The following GGCX variants were observed in gnomAD, a reference collection of about 807,000 sequenced individuals.
The protein encoded by GGCX is vitamin K-dependent gamma-carboxylase.
GGCX carries 63 observed loss-of-function variants against 88.5 expected under a neutral mutation model. That is an observed-to-expected ratio of 0.71 (90% confidence interval 0.58 to 0.88). The LOEUF (loss-of-function observed/expected upper bound fraction) is 0.88. Among genes scored for constraint, GGCX ranks in the 40% least tolerant of loss-of-function variants. The pLI, the probability that GGCX is intolerant of heterozygous loss-of-function variation, is 0.00. For synonymous variants in GGCX, 368 were observed against 365.8 expected (o/e 1.01, Z -0.07); for missense variants, 805 against 932.9 (o/e 0.86, Z 1.79).
intron 2 of GGCX, 54 bp downstream of exon 2, chr2:85,560,761 G>A (rs1692406680): frequency 7.2e-7 from 1 of 1,384,048 alleles, no homozygotes; most frequent in Non-Finnish European, 1.0e-6. Context: ...AAAAAATAGA[G>A]ATTGTCATTC....
Position 85,558,445 on chromosome 2 carries a change from G to C in GGCX, c.534C>G (p.His178Gln). ...TTGTCCCCCCTGACTCATACCAGTA[G>C]TGGTTTGCATCCATGAATGTTAGCT... ...AFQLTFMDAN[H>Q]YWSVDGLLNA... is the part of the protein sequence containing the mutation. Residue 178 changes from histidine (H) to glutamine (Q), a missense_variant, in exon 4 of 15, where the codon CAC (histidine) becomes CAG (glutamine). Physicochemically the swap from His to Gln is conservative, Grantham distance 24 (BLOSUM62 0). Around this residue, in one of 3 missense-constraint regions of GGCX, gnomAD observed 680 missense variants for 763.7 expected, o/e 0.89. Transcript: ENST00000233838. 1 of 1,613,668 alleles carries C rather than the reference G, an allele frequency of 6.2e-7. No individual in the cohort carries two copies. The highest frequency in any genetic ancestry group is 8.5e-7 in the Non-Finnish European group (1 of 1,179,570).
Position 85,553,028 on chromosome 2 carries a change from C to A in GGCX, c.1198G>T (p.Asp400Tyr). Residue 400 changes from aspartate (D) to tyrosine (Y), a missense_variant, in exon 9 of 15, where the codon GAC becomes TAC. This residue lies in a region of GGCX where 680 missense variants were observed against 763.7 expected (regional missense o/e 0.89). Coordinates refer to ENST00000233838, the MANE Select transcript of GGCX (RefSeq NM_000821.7). The part of the protein sequence containing the change: ...WTNGLYGYSW[D>Y]MMVHSRSHQH... ...TGGGAGCGGGAGTGCACCATCATGT[C>A]CCAGGAATAGCCATACAGCCCATTT... The A allele has an allele frequency of 6.2e-7, 1 of 1,614,110 alleles. No individual in the cohort carries two copies. The highest frequency in any genetic ancestry group is 8.5e-7 in the Non-Finnish European group (1 of 1,179,924).
intron 10 of GGCX, 148 bp from the exon 11 acceptor site, chr2:85,552,129 G>A: frequency 1.3e-6 from 1 of 742,346 alleles, no homozygotes; most frequent in Admixed American, 2.0e-5. Context: ...CCAGGGCAGA[G>A]AAAGAAGGCA....
chr2:85,559,861 A>T (rs751743824), intron 2 of GGCX, among the ~76,000 whole-genome samples: 4 of 152,218 alleles, frequency 2.6e-5, no homozygotes, highest in Non-Finnish European at 5.9e-5. Context: ...AGCCAGCTTG[A>T]GATAAAGCAG....
intron 5 of GGCX, 37 bp from the exon 6 acceptor site, chr2:85,555,627 G>A (rs1692177237): frequency 8.9e-7 from 1 of 1,125,058 alleles, no homozygotes; most frequent in South Asian, 1.2e-5. Context: ...CAAGCAAAAA[G>A]AATCTTTTCT....
rs764713985 is a variant in GGCX, at chr2:85,558,575, TAGCACAGGCCC to T, written c.393_403del (p.Gly132ProfsTer55). Reference sequence around the variant, plus strand: ...CAGGAATAACACACAGCTTATCCGGTAGCACAGGCCCAGCATCATGCCCAGTGCCCCTGGGA... The same window carrying T: ...CAGGAATAACACACAGCTTATCCGGTAGCATCATGCCCAGTGCCCCTGGGA... On this transcript the variant is annotated frameshift_variant, in exon 4 of 15. Coordinates refer to ENST00000233838, the MANE Select transcript of GGCX (RefSeq NM_000821.7). LOFTEE classifies it high-confidence loss of function. 5.6e-6 allele frequency: 9 copies of T among 1,613,692 alleles called. No individual in the cohort carries two copies. Among genetic ancestry groups the T allele is most frequent in the Non-Finnish European group, 5.9e-6 (7 of 1,179,636 alleles).
chr2:85,561,197 A>G (rs1692438017), intron 1 of GGCX, among the ~76,000 whole-genome samples, 189 bp downstream of exon 1: 1 of 151,912 alleles, frequency 6.6e-6, no homozygotes, highest in South Asian at 2.1e-4. Flanking sequence ...CAGTCCCCTA[A>G]CCGCAGTGTT....
rs751069533 is a variant in GGCX, at chr2:85,551,030, T to A, written c.1783A>T (p.Ser595Cys). 1 of 1,613,754 alleles carries A rather than the reference T, an allele frequency of 6.2e-7. No individual in the cohort carries two copies. Among genetic ancestry groups the A allele is most frequent in the Non-Finnish European group, 8.5e-7 (1 of 1,179,580 alleles). Residue 595 changes from serine to cysteine, a missense_variant, in exon 13 of 15, where the codon AGC becomes TGC. This residue lies in a region of GGCX where 680 missense variants were observed against 763.7 expected (regional missense o/e 0.89). Transcript: ENST00000233838. ...EYHKVYTTSP[S>C]PSCYMYVYVN... ...TAGACGTACATGTAGCAAGAAGGGC[T>A]AGGTGATGTCGTATACACCTTATGG... is the stretch of plus-strand genomic sequence containing the variant.
intron 14 of GGCX, 129 bp from the exon 15 acceptor site, chr2:85,550,255 TG>T (rs1691873582): frequency 1.8e-5 from 13 of 732,932 alleles, no homozygotes; most frequent in Non-Finnish European, 3.1e-5. Context: ...TCCCCCCAAG[TG>T]ACCCTCCATC....
At chr2:85,556,130 G>A (rs1692192461) in intron 5 of GGCX, 52 bp downstream of exon 5, 1 of 1,100,922 alleles carries the variant, frequency 9.1e-7, no homozygotes. Context: ...GGATGGCCAT[G>A]CTGACCACAT....
rs1373608938 is a variant in GGCX, at chr2:85,555,518, A to T, written c.691T>A (p.Tyr231Asn). 6.2e-7 allele frequency: 1 copy of T among 1,604,364 alleles called. No individual in the cohort carries two copies. Among genetic ancestry groups the T allele is most frequent in the Admixed American group, 1.7e-5 (1 of 60,006 alleles). Residue 231 changes from tyrosine to asparagine, a missense_variant, in exon 6 of 15, where the codon TAT (tyrosine) becomes AAT (asparagine). Physicochemically the swap from Tyr to Asn is moderately radical, Grantham distance 143 (BLOSUM62 -2). This residue lies in a region of GGCX where 680 missense variants were observed against 763.7 expected (regional missense o/e 0.89). Transcript: ENST00000233838. ...CTGAAGAGCCAGTGCCGGGACAAATATTCCATGGAATAGCCTTCAACCCAG... is the reference window on the plus strand; with the variant it reads ...CTGAAGAGCCAGTGCCGGGACAAATTTTCCATGGAATAGCCTTCAACCCAG... ...ADWVEGYSME[Y>N]LSRHWLFSPF...
rs141955679 is a variant in GGCX at position 85,550,518 on chromosome 2, C to T, written c.2084+37G>A. 3.8e-4 allele frequency: 566 copies of T among 1,506,398 alleles called. 9 individuals carry two copies. The East Asian group carries it at 0.013, about 34-fold the overall frequency. The allele number at this position is 1,506,398 out of a possible 1,614,324, so 93.3% of individuals were successfully genotyped here. A position where few individuals can be genotyped will look rare whatever the true frequency, so the allele number is the denominator to read the frequency against. ...AGGGGAAAGTTACCAAGCTTGCCAA[C>T]ATATGATGGCAATGACAAATATTGT... On this transcript the variant is annotated intron_variant, in intron 14 of 14. Coordinates refer to ENST00000233838, the MANE Select transcript of GGCX (RefSeq NM_000821.7).
intron 1 of GGCX, 108 bp downstream of exon 1, chr2:85,561,278 G>GCCCCCCCCCC (rs1692444943): frequency 8.8e-6 from 5 of 568,476 alleles, no homozygotes; most frequent in East Asian, 3.1e-5. Flanking sequence ...CCCCACAGAG[G>GCCCCCCCCCC]ACCCCCCCCC....
intron 7 of GGCX, 36 bp downstream of exon 7, chr2:85,554,107 G>C: frequency 6.4e-7 from 1 of 1,554,864 alleles, no homozygotes; most frequent in Non-Finnish European, 8.9e-7. Context: ...CTGCAAAACT[G>C]TGGTTCCTGT....
rs1441014034 is a variant in GGCX, at chr2:85,548,214, A to G, written c.*1720T>C. On this transcript the variant is annotated 3_prime_UTR_variant, in exon 15 of 15. Transcript: ENST00000233838. Reference sequence around the variant, plus strand: ...CCTGTCTTTAAAAAAAAATAGATTCAAGAGGTATCCAGGAGGTAAAATTGA... The same window carrying G: ...CCTGTCTTTAAAAAAAAATAGATTCGAGAGGTATCCAGGAGGTAAAATTGA... The G allele has an allele frequency of 6.6e-6, 1 of 152,102 alleles. No individual in the cohort carries two copies. The highest frequency in any genetic ancestry group is 1.5e-5 in the Non-Finnish European group (1 of 68,006). 9.4% of individuals were successfully genotyped at this position (152,102 alleles called of 1,614,324 possible). A position where few individuals can be genotyped will look rare whatever the true frequency, so the allele number is the denominator to read the frequency against.
chr2:85,556,131 C>T, intron 5 of GGCX, 51 bp downstream of exon 5: 1 of 1,104,482 alleles, frequency 9.1e-7, no homozygotes, highest in Non-Finnish European at 1.4e-6. Flanking sequence ...GATGGCCATG[C>T]TGACCACATG....
rs892840384 is a variant in GGCX at position 85,550,758 on chromosome 2, G to T, written c.1889-8C>A. 1 of 1,612,754 alleles carries T rather than the reference G, an allele frequency of 6.2e-7. No homozygotes were observed. Among genetic ancestry groups the T allele is most frequent in the Admixed American group, 1.7e-5 (1 of 60,012 alleles). On this transcript the variant is annotated splice_region_variant and splice_polypyrimidine_tract_variant and intron_variant, in intron 13 of 14. Transcript: ENST00000233838. Reference sequence around the variant, plus strand: ...GGGGTAGAGGCCCTGTTTCTGCCCGGAAGACAGAAAAAAGAGGAATCACTG... The same window carrying T: ...GGGGTAGAGGCCCTGTTTCTGCCCGTAAGACAGAAAAAAGAGGAATCACTG...
Position 85,552,444 on chromosome 2 carries a change from C to A in GGCX, c.1411G>T (p.Val471Phe). The A allele has an allele frequency of 1.2e-6, 2 of 1,614,040 alleles. No individual in the cohort carries two copies. The highest frequency in any genetic ancestry group is 1.7e-6 in the Non-Finnish European group (2 of 1,179,914). Residue 471 changes from valine to phenylalanine, a missense_variant, in exon 10 of 15, where the codon GTC (valine) becomes TTC (phenylalanine). Around this residue, in one of 3 missense-constraint regions of GGCX, gnomAD observed 680 missense variants for 763.7 expected, o/e 0.89. Coordinates refer to ENST00000233838, the MANE Select transcript of GGCX (RefSeq NM_000821.7). Reference sequence around the variant, plus strand: ...TGCTGGAAGCGGTCATTGATGGAGACCCAAATATCAAAGTAGATCTGGGGC... The same window carrying A: ...TGCTGGAAGCGGTCATTGATGGAGAACCAAATATCAAAGTAGATCTGGGGC... ...TEPQIYFDIW[V>F]SINDRFQQRI... is the part of the protein sequence containing the mutation.
At chr2:85,558,412 C>A in intron 4 of GGCX, 28 bp downstream of exon 4, 2 of 1,603,064 alleles carry the variant, frequency 1.2e-6, no homozygotes, top group East Asian at 4.5e-5. Context: ...CCAGCCAACC[C>A]CTCCCCTTTG....
Sources: gnomAD v4.1 joint callset for allele counts (sites outside exome capture counted in the v4.1 genomes callset) on GRCh38, gnomAD v4.1.1 for gene constraint, gnomAD v4.1.1 regional missense constraint, MANE v1.5 for transcripts, NCBI Gene and HGNC (gene_info 2026-07-23, HGNC 2026-07-21) for gene names.